The following DDX31 variants were observed in gnomAD, a reference collection of about 807,000 sequenced individuals.
DDX31 encodes ATP-dependent DNA helicase DDX31.
Under a neutral mutation model 91.3 loss-of-function variants are expected in DDX31, and 70 were observed. The observed-to-expected ratio is 0.77, with a 90% confidence interval of 0.63 to 0.94. DDX31 has a LOEUF of 0.94. Among genes scored for constraint, DDX31 ranks in the 40% least tolerant of loss-of-function variants. DDX31 has a pLI of 0.00. For synonymous variants in DDX31, 362 were observed against 350.6 expected (o/e 1.03, Z -0.36); for missense variants, 902 against 925.0 (o/e 0.98, Z 0.32).
rs199812968 is a variant in DDX31, at chr9:132,645,979, G to A, written c.1296C>T (p.Ser432=). The A allele has an allele frequency of 1.5e-5, 24 of 1,614,144 alleles. No individual in the cohort carries two copies. The East Asian group carries it at 5.1e-4, about 34-fold the overall frequency. ...YSLFLQTLLS[S]SGAPASGQLP... ...ACTGCCCTGATGCCGGCGCCCCTGA[G>A]CTGCTCAGCAGGGTCTGTAGGAAGA... Residue 432 remains serine, a synonymous_variant, in exon 13 of 20, where the codon AGC becomes AGT. Coordinates refer to ENST00000372159, the MANE Select transcript of DDX31 (RefSeq NM_022779.9).
At chr9:132,650,415 T>G in intron 8 of DDX31, 117 bp from the exon 9 acceptor site, 1 of 905,958 alleles carries the variant, frequency 1.1e-6, no homozygotes, top group Non-Finnish European at 1.8e-6. Context: ...CTTCTCATTG[T>G]ATAAGGTGTT....
At chr9:132,609,862 C>T (rs1454985352) in intron 19 of DDX31, among the ~76,000 whole-genome samples, 1 of 152,120 alleles carries the variant, frequency 6.6e-6, no homozygotes. Flanking sequence ...CCTTGTGATC[C>T]ACCCGCCTCG....
intron 14 of DDX31, among the ~76,000 whole-genome samples, chr9:132,632,371 G>A (rs1001027251): frequency 1.3e-5 from 2 of 150,934 alleles, no homozygotes; most frequent in Non-Finnish European, 2.9e-5. Flanking sequence ...TGATTTAGGG[G>A]CAAATTCTAC....
At position 132,659,638 on chromosome 9, in the gene DDX31, C is replaced by T. The variant is rs916510602; in HGVS notation, c.523+72G>A. 99 of 1,488,490 alleles carry T rather than the reference C, an allele frequency of 6.7e-5. No homozygotes were observed. In the East Asian group the frequency reaches 1.9e-3, roughly 29 times the overall value. 92.2% of individuals were successfully genotyped at this position (1,488,490 alleles called of 1,614,324 possible). ...CTGCCACCACCACCAACCCAGACAC[C>T]GCATGGCAAAACCTAGTGCATGACC... On this transcript the variant is annotated intron_variant, in intron 5 of 19. Transcript: ENST00000372159.
At chr9:132,644,434 A>C (rs917603212) in intron 13 of DDX31, among the ~76,000 whole-genome samples, 11 of 152,200 alleles carry the variant, frequency 7.2e-5, no homozygotes, top group African/African-American at 2.2e-4. Context: ...ACAGACATGG[A>C]AACTAGGTCA....
chr9:132,652,465 G>C lies in DDX31; in HGVS notation c.616C>G (p.Leu206Val). ...CTGCTTACCTCTCTCGTTGGCACGA[G>C]CACCAGGGCATAGGGGCCATCACTG... ...QRSDGPYALV[L>V]VPTRELALQS... The change falls in exon 7 of 20, where the codon CTC becomes GTC. Residue 206 changes from leucine to valine, a missense_variant. Leu to Val is a conservative substitution (Grantham distance 32). Transcript: ENST00000372159. The C allele has an allele frequency of 6.2e-7, 1 of 1,614,162 alleles. No individual in the cohort carries two copies. Among genetic ancestry groups the C allele is most frequent in the Non-Finnish European group, 8.5e-7 (1 of 1,180,032 alleles).
chr9:132,594,560 G>A lies in DDX31; in HGVS notation c.*306C>T, dbSNP rs1373640477. On this transcript the variant is annotated 3_prime_UTR_variant, in exon 20 of 20. Transcript: ENST00000372159. ...GGGCGTTCTTACATCACATCCCGGGGTGCCAGCTCAACCCCGGCACGTCAG... is the reference window on the plus strand; with the variant it reads ...GGGCGTTCTTACATCACATCCCGGGATGCCAGCTCAACCCCGGCACGTCAG... 22 of 282,922 alleles carry A rather than the reference G, an allele frequency of 7.8e-5. 1 individual carries two copies. The South Asian group carries it at 8.1e-4, about 10-fold the overall frequency. The allele number at this position is 282,922 out of a possible 1,614,324, so 17.5% of individuals were successfully genotyped here. A position where few individuals can be genotyped will look rare whatever the true frequency, so the allele number is the denominator to read the frequency against.
intron 14 of DDX31, chr9:132,638,070 C>A (rs1833238357): frequency 1.6e-6 from 2 of 1,257,926 alleles, no homozygotes; most frequent in Non-Finnish European, 1.0e-6. Context: ...TTAGGTGCAT[C>A]TTCTGAAAAA....
chr9:132,649,924 T>C (rs1014867920), intron 9 of DDX31, among the ~76,000 whole-genome samples: 1 of 152,176 alleles, frequency 6.6e-6, no homozygotes, highest in East Asian at 1.9e-4. Context: ...TCCACAAAAA[T>C]GAGTGGCATG....
intron 19 of DDX31, among the ~76,000 whole-genome samples, chr9:132,603,455 T>C (rs1830833290): frequency 6.6e-6 from 1 of 151,776 alleles, no homozygotes; most frequent in African/African-American, 2.4e-5. Context: ...GAAAGTAGAG[T>C]TAGATTAGAA....
Position 132,659,604 on chromosome 9 carries a change from G to A in DDX31, c.523+106C>T, listed in dbSNP as rs750902321. On this transcript the variant is annotated intron_variant, in intron 5 of 19. Coordinates refer to ENST00000372159, the MANE Select transcript of DDX31 (RefSeq NM_022779.9). Reference sequence around the variant, plus strand: ...AAAGCATGGCCTCCCTCCCCCAAACGAAACAAAACTGCCACCACCACCAAC... The same window carrying A: ...AAAGCATGGCCTCCCTCCCCCAAACAAAACAAAACTGCCACCACCACCAAC... The A allele has an allele frequency of 1.3e-5, 15 of 1,117,954 alleles. 1 individual carries two copies. The highest frequency in any genetic ancestry group is 9.4e-5 in the African/African-American group (6 of 63,620). 69.3% of individuals were successfully genotyped at this position (1,117,954 alleles called of 1,614,324 possible).
chr9:132,626,473 A>C (rs529090652), intron 16 of DDX31, among the ~76,000 whole-genome samples: 3 of 152,344 alleles, frequency 2.0e-5, no homozygotes, highest in Non-Finnish European at 4.4e-5. Flanking sequence ...GCAAGGCCAC[A>C]GCATTTGAAT....
chr9:132,656,163 C>T (rs541317555), intron 6 of DDX31, among the ~76,000 whole-genome samples: 2 of 152,250 alleles, frequency 1.3e-5, no homozygotes, highest in Admixed American at 6.5e-5. Flanking sequence ...TCCGTTCTCA[C>T]GCCATCACCA....
chr9:132,642,077 G>A lies in DDX31; in HGVS notation c.1381-14C>T, dbSNP rs1459591020. The stretch of plus-strand genomic sequence containing the variant: ...TGCTGTTCTTTCCTACAAAAACAAG[G>A]AAAAATAGAGCCTTACAACTCAGAG... On this transcript the variant is annotated splice_polypyrimidine_tract_variant and intron_variant, in intron 13 of 19. Transcript: ENST00000372159. 1 of 1,613,654 alleles carries A rather than the reference G, an allele frequency of 6.2e-7. No homozygotes were observed. Among genetic ancestry groups the A allele is most frequent in the South Asian group, 1.1e-5 (1 of 91,068 alleles).
chr9:132,602,387 C>A (rs1240922640), intron 19 of DDX31, among the ~76,000 whole-genome samples: 1 of 152,238 alleles, frequency 6.6e-6, no homozygotes, highest in Non-Finnish European at 1.5e-5. Flanking sequence ...TGAGACAGGG[C>A]AGACAGCTGT....
intron 17 of DDX31, among the ~76,000 whole-genome samples, chr9:132,625,044 G>A (rs1391225049): frequency 6.6e-6 from 1 of 152,160 alleles, no homozygotes; most frequent in Non-Finnish European, 1.5e-5. Context: ...GGAATACTGA[G>A]TAAGGGGGTG....
intron 6 of DDX31, among the ~76,000 whole-genome samples, chr9:132,654,671 T>A (rs1834435119): frequency 6.6e-6 from 1 of 150,644 alleles, no homozygotes; most frequent in African/African-American, 2.4e-5. Flanking sequence ...AAGGGCCGGA[T>A]GTGGTGGCTC....
rs1835021664 is a variant in DDX31, at chr9:132,662,354, G to A, written c.333-18C>T. ...CCACAGGTCTGCAAATGATGAACAA[G>A]AACCCAGGCATCAGTGCCAATATTA... On this transcript the variant is annotated intron_variant, in intron 2 of 19. Transcript: ENST00000372159. The A allele has an allele frequency of 6.2e-7, 1 of 1,614,148 alleles. No individual in the cohort carries two copies. The highest frequency in any genetic ancestry group is 8.5e-7 in the Non-Finnish European group (1 of 1,180,024).
chr9:132,646,935 C>T lies in DDX31; in HGVS notation c.1091G>A (p.Gly364Asp). The T allele has an allele frequency of 1.2e-6, 2 of 1,614,200 alleles. No individual in the cohort carries two copies. Among genetic ancestry groups the T allele is most frequent in the Non-Finnish European group, 1.7e-6 (2 of 1,180,034 alleles). The change falls in exon 12 of 20, where the codon GGC becomes GAC. Residue 364 changes from glycine to aspartate, a missense_variant. Coordinates refer to ENST00000372159, the MANE Select transcript of DDX31 (RefSeq NM_022779.9). The stretch of plus-strand genomic sequence containing the variant: ...TATTGCAAAGCTGTCCAGCTTGTCG[C>T]CAGCTGGTGGAGGACAGACCTCCTG... ...AVQEVCPPPA[G>D]DKLDSFAIPE...
Sources: gnomAD v4.1 joint callset for allele counts (sites outside exome capture counted in the v4.1 genomes callset) on GRCh38, gnomAD v4.1.1 for gene constraint, MANE v1.5 for transcripts, NCBI Gene and HGNC (gene_info 2026-07-23, HGNC 2026-07-21) for gene names.